Variants in TEX36 observed in about 807,000 individuals in gnomAD.
TEX36 encodes testis-expressed protein 36.
Under a neutral mutation model 13.6 loss-of-function variants are expected in TEX36, and 12 were observed. The ratio of observed to expected loss-of-function variants is 0.88; its 90% CI spans 0.56 to 1.43. TEX36 has a LOEUF of 1.43. Among genes scored for constraint, TEX36 ranks in the 40% most tolerant of loss-of-function variants. The pLI, the probability that TEX36 is intolerant of heterozygous loss-of-function variation, is 0.00. For synonymous variants in TEX36, 93 were observed against 83.0 expected, an observed-to-expected ratio of 1.12 and a Z score of -0.65; for missense variants, 224 against 228.3, an observed-to-expected ratio of 0.98 and a Z score of 0.12.
At chr10:125,655,690 A>G (rs1245929303), downstream of TEX36, 2 of 1,249,376 alleles carry the variant, frequency 1.6e-6, no homozygotes, top group South Asian at 3.3e-5. Context: ...AAACTCCCCA[A>G]AAGTAAATGT....
intron 1 of TEX36, chr10:125,666,828 T>G: frequency 3.4e-6 from 1 of 294,688 alleles, no homozygotes; most frequent in Admixed American, 4.4e-5. Flanking sequence ...TTCAAGAGAG[T>G]AGGGGCGGGG....
intron 3 of TEX36, among the ~76,000 whole-genome samples, chr10:125,588,236 C>T (rs2133529662): frequency 6.6e-6 from 1 of 152,286 alleles, no homozygotes; most frequent in Admixed American, 6.5e-5. Flanking sequence ...GGATTGTATC[C>T]AAGAGAGTCC....
chr10:125,618,401 T>C (rs1002873255), downstream of TEX36, among the ~76,000 whole-genome samples: 1 of 152,206 alleles, frequency 6.6e-6, no homozygotes, highest in African/African-American at 2.4e-5. Flanking sequence ...CTCTGTTTTT[T>C]CCCCATCTGT....
At chr10:125,663,686 T>G (rs973787003) in intron 1 of TEX36, among the ~76,000 whole-genome samples, 2 of 152,214 alleles carry the variant, frequency 1.3e-5, no homozygotes, top group Non-Finnish European at 2.9e-5. Context: ...TGTTTCCCAT[T>G]TATATGTCTC....
intron 1 of TEX36, among the ~76,000 whole-genome samples, chr10:125,677,915 CAAAT>C (rs1433672716): frequency 6.6e-6 from 1 of 152,140 alleles, no homozygotes; most frequent in Non-Finnish European, 1.5e-5. Context: ...CTCCTGACCT[CAAAT>C]AATCTGCCCA....
At chr10:125,597,851 T>C (rs1246293122) in intron 3 of TEX36, among the ~76,000 whole-genome samples, 1 of 152,238 alleles carries the variant, frequency 6.6e-6, no homozygotes, top group East Asian at 1.9e-4. Flanking sequence ...CTCAAGGACA[T>C]ATGCTAGGTG....
chr10:125,680,962 G>A (rs1315858132), intron 1 of TEX36, among the ~76,000 whole-genome samples: 1 of 152,164 alleles, frequency 6.6e-6, no homozygotes, highest in Non-Finnish European at 1.5e-5. Flanking sequence ...CAGCCATGTG[G>A]TTGGTTAAAA....
At chr10:125,603,992 C>G (rs1846182133) in intron 3 of TEX36, among the ~76,000 whole-genome samples, 1 of 152,174 alleles carries the variant, frequency 6.6e-6, no homozygotes, top group African/African-American at 2.4e-5. Context: ...TTCAGTCCAG[C>G]CTCCCCCGGG....
chr10:125,592,293 C>T (rs1037454623), intron 3 of TEX36, among the ~76,000 whole-genome samples: 7 of 152,084 alleles, frequency 4.6e-5, no homozygotes, highest in South Asian at 4.1e-4. Context: ...GCCAGACGTG[C>T]GTTAGGCCAC....
At chr10:125,649,407 C>T (rs567239023) in intron 3 of TEX36, among the ~76,000 whole-genome samples, 1 of 152,324 alleles carries the variant, frequency 6.6e-6, no homozygotes, top group East Asian at 1.9e-4. Context: ...AACTAAGCTT[C>T]ATAAGTGAAG....
chr10:125,625,319 C>A (rs114842959), intron 3 of TEX36, among the ~76,000 whole-genome samples: 1 of 152,282 alleles, frequency 6.6e-6, no homozygotes, highest in Admixed American at 6.5e-5. Context: ...TAGTTTAGCA[C>A]CCCCCACCAA....
At chr10:125,681,187 G>A (rs1011521491) in intron 1 of TEX36, among the ~76,000 whole-genome samples, 2 of 152,166 alleles carry the variant, frequency 1.3e-5, no homozygotes, top group African/African-American at 4.8e-5. Flanking sequence ...TTTGGAGCTG[G>A]AGTCATCCCA....
At chr10:125,612,852 A>T (rs1345317439) in intron 3 of TEX36, among the ~76,000 whole-genome samples, 1 of 152,026 alleles carries the variant, frequency 6.6e-6, no homozygotes, top group Non-Finnish European at 1.5e-5. Flanking sequence ...GAAAATGGCT[A>T]GATTTCATTT....
rs143186264 is a variant in TEX36 at position 125,666,518 on chromosome 10, C to T, written c.52-4541G>A. Among the ~76,000 whole-genome samples, 376 of 152,154 alleles carry T rather than the reference C, an allele frequency of 2.5e-3. 2 individuals carry two copies. The highest frequency in any genetic ancestry group is 8.5e-3 in the African/African-American group (354 of 41,500). On this transcript the variant is annotated intron_variant, in intron 1 of 3. Coordinates refer to ENST00000368821, the MANE Select transcript of TEX36 (RefSeq NM_001128202.3). ...GTCATGTTTACGGATTTGTGTGTGT[C>T]GAAGCATCCTTGCGTCCCTGCTATA... is the stretch of plus-strand genomic sequence containing the variant.
intron 3 of TEX36, among the ~76,000 whole-genome samples, chr10:125,614,184 C>T (rs1303072480): frequency 6.6e-6 from 1 of 152,096 alleles, no homozygotes. Context: ...GATATTAGCC[C>T]TTTGTCAGAT....
At chr10:125,598,078 C>A (rs1306351858) in intron 3 of TEX36, among the ~76,000 whole-genome samples, 1 of 152,128 alleles carries the variant, frequency 6.6e-6, no homozygotes, top group Non-Finnish European at 1.5e-5. Flanking sequence ...GTGGGAGTGG[C>A]AGGCCCCTAA....
chr10:125,660,990 T>A lies in TEX36; in HGVS notation c.264+31A>T, dbSNP rs146874422. On this transcript the variant is annotated intron_variant, in intron 3 of 3. Transcript: ENST00000368821. ...TCAAGATCCCTTGTGTTGTTCCCTG[T>A]TTTATTAATAATTTGGAAAGAAATA... is the stretch of plus-strand genomic sequence containing the variant. The A allele has an allele frequency of 1.2e-5, 18 of 1,525,616 alleles. No homozygotes were observed. The East Asian group carries it at 4.4e-4, about 37-fold the overall frequency. The allele number at this position is 1,525,616 out of a possible 1,614,324, so 94.5% of individuals were successfully genotyped here.
intron 3 of TEX36, among the ~76,000 whole-genome samples, chr10:125,588,371 G>A (rs1845982886): frequency 2.6e-5 from 4 of 152,166 alleles, no homozygotes; most frequent in Admixed American, 2.6e-4. Context: ...GTCCATTTTT[G>A]CATTGCTTTA....
intron 3 of TEX36, among the ~76,000 whole-genome samples, chr10:125,646,104 G>A (rs1186469694): frequency 6.6e-6 from 1 of 152,212 alleles, no homozygotes; most frequent in Non-Finnish European, 1.5e-5. Context: ...CCAGGTGGGA[G>A]GATCACTTGA....
Sources: allele counts gnomAD v4.1 joint callset (sites outside exome capture counted in the v4.1 genomes callset), GRCh38; gene constraint gnomAD v4.1.1; transcripts MANE v1.5; gene names NCBI Gene and HGNC (gene_info 2026-07-23, HGNC 2026-07-21).